Variants in SENP6 observed in about 807,000 individuals in gnomAD.
The protein encoded by SENP6 is SUMO specific peptidase 6, also known as sentrin-specific protease 6.
A neutral mutation model predicts 134.5 loss-of-function variants in SENP6; 41 were observed. The ratio of observed to expected loss-of-function variants is 0.30; its 90% CI spans 0.24 to 0.40. The LOEUF (loss-of-function observed/expected upper bound fraction) is 0.40. SENP6 is among the 10% of genes least tolerant of loss of function. The probability of loss-of-function intolerance (pLI) is 1.00; values close to 1 mark genes in which losing one functional copy is unlikely to be tolerated. For synonymous variants in SENP6, 395 were observed against 429.8 expected (o/e 0.92, Z 1.00); for missense variants, 1,248 against 1,312.5 (o/e 0.95, Z 0.76).
intron 11 of SENP6, among the ~76,000 whole-genome samples, chr6:75,671,319 G>T (rs1388432443): frequency 6.6e-6 from 1 of 152,150 alleles, no homozygotes; most frequent in African/African-American, 2.4e-5. Flanking sequence ...GTAAAGCACT[G>T]TATGTGTTCT....
Position 75,692,497 on chromosome 6 carries a change from C to T in SENP6, c.2076-3307C>T, listed in dbSNP as rs118003912. Among the ~76,000 whole-genome samples, 16 of 152,148 alleles carry T rather than the reference C, an allele frequency of 1.1e-4. No homozygotes were observed. In the East Asian group the frequency reaches 2.9e-3, roughly 28 times the overall value. On this transcript the variant is annotated intron_variant, in intron 16 of 23. Coordinates refer to ENST00000447266, the MANE Select transcript of SENP6 (RefSeq NM_015571.4). ...AAAAAATTAGTTGGGCATGGTAGTG[C>T]AGGCCTGTGGTCCCAGCTACTCAGG...
chr6:75,635,530 C>G (rs1769445357), intron 5 of SENP6, among the ~76,000 whole-genome samples: 1 of 152,022 alleles, frequency 6.6e-6, no homozygotes. Flanking sequence ...CGTCCTGAAC[C>G]TTGCTATATT....
intron 16 of SENP6, among the ~76,000 whole-genome samples, chr6:75,688,917 T>G (rs993413635): frequency 6.6e-6 from 1 of 152,146 alleles, no homozygotes; most frequent in East Asian, 1.9e-4. Context: ...AAATACAAAA[T>G]TAGCCAGGTG....
intron 9 of SENP6, among the ~76,000 whole-genome samples, chr6:75,665,301 A>AG (rs1772118403): frequency 6.6e-6 from 1 of 151,138 alleles, no homozygotes; most frequent in South Asian, 2.1e-4. Flanking sequence ...AAAAAAAAAA[A>AG]GTGATATTTA....
intron 12 of SENP6, 150 bp from the exon 13 acceptor site, chr6:75,675,709 GA>G (rs779324397): frequency 6.8e-6 from 6 of 879,878 alleles, no homozygotes; most frequent in South Asian, 3.2e-5. Context: ...CAGTTATAAA[GA>G]TTTTTTTTAT....
intron 5 of SENP6, among the ~76,000 whole-genome samples, chr6:75,638,295 T>C (rs1377502177): frequency 6.7e-6 from 1 of 150,358 alleles, no homozygotes. Flanking sequence ...TTGAAGGTAA[T>C]TTTTCTTTTC....
chr6:75,705,120 C>A (rs1015297185), intron 19 of SENP6, among the ~76,000 whole-genome samples: 2 of 152,204 alleles, frequency 1.3e-5, no homozygotes, highest in Non-Finnish European at 2.9e-5. Context: ...CTTGGTTCTT[C>A]ATTCCTCACT....
At chr6:75,706,398 A>G (rs1423815619) in intron 19 of SENP6, among the ~76,000 whole-genome samples, 1 of 152,190 alleles carries the variant, frequency 6.6e-6, no homozygotes, top group Non-Finnish European at 1.5e-5. Context: ...ATAATGTTAC[A>G]TACTTTAATG....
At chr6:75,641,742 G>A (rs146279488) in intron 6 of SENP6, among the ~76,000 whole-genome samples, 18 of 152,182 alleles carry the variant, frequency 1.2e-4, no homozygotes, top group African/African-American at 3.9e-4. Flanking sequence ...CTTTGGGAGG[G>A]CAAAGCGGGA....
intron 3 of SENP6, among the ~76,000 whole-genome samples, chr6:75,631,219 A>T (rs1439254002): frequency 6.6e-6 from 1 of 152,074 alleles, no homozygotes; most frequent in Non-Finnish European, 1.5e-5. Context: ...TTATTATCTG[A>T]TATTCTTCGG....
chr6:75,699,354 C>CTTTTTTTTTTTTTTTTTTTT (rs71544060), intron 18 of SENP6, among the ~76,000 whole-genome samples: 9 of 115,014 alleles, frequency 7.8e-5, no homozygotes, highest in Admixed American at 2.8e-4. Flanking sequence ...TTTGTTTTTG[C>CTTTTTTTTTTTTTTTTTTTT]TTTTTTTTTT....
At chr6:75,702,218 CTTT>C (rs200531593) in intron 18 of SENP6, among the ~76,000 whole-genome samples, 5 of 133,416 alleles carry the variant, frequency 3.7e-5, no homozygotes, top group Admixed American at 1.5e-4. Flanking sequence ...AAAAAATAGG[CTTT>C]TTTTTTTTTT....
intron 8 of SENP6, among the ~76,000 whole-genome samples, chr6:75,661,096 A>G (rs1485780146): frequency 6.6e-6 from 1 of 152,194 alleles, no homozygotes; most frequent in Non-Finnish European, 1.5e-5. Context: ...TCAGTGGACA[A>G]AGCTAAGAAA....
In SENP6 at chr6:75,717,273, ATTT is replaced by A. The variant is rs894085134; in HGVS notation, c.*1684_*1686del. ...GCAATAAGCAAAATTGGCATACATA[ATTT>A]TTTTAATGAACTATATTTTGTCAGA... is the stretch of plus-strand genomic sequence containing the variant. On this transcript the variant is annotated 3_prime_UTR_variant, in exon 24 of 24. Coordinates refer to ENST00000447266, the MANE Select transcript of SENP6 (RefSeq NM_015571.4). 1 of 151,986 alleles carries A rather than the reference ATTT, an allele frequency of 6.6e-6. No individual in the cohort carries two copies. The highest frequency in any genetic ancestry group is 1.9e-4 in the East Asian group (1 of 5,196). The allele number at this position is 151,986 out of a possible 1,614,324, so 9.4% of individuals were successfully genotyped here. A position where few individuals can be genotyped will look rare whatever the true frequency, so the allele number is the denominator to read the frequency against.
At position 75,696,626 on chromosome 6, in the gene SENP6, G is replaced by A. The variant is rs147169534; in HGVS notation, c.2195+703G>A. 7.6e-3 allele frequency among the ~76,000 whole-genome samples: 1,151 copies of A among 152,106 alleles called. 39 individuals carry two copies. The highest frequency in any genetic ancestry group is 0.063 in the Admixed American group (957 of 15,256). ...CCAAGTAGCTGGGACTAAGGCACAC[G>A]CCACTCCACCCAGCTAATTTTTGTA... On this transcript the variant is annotated intron_variant, in intron 17 of 23. Coordinates refer to ENST00000447266, the MANE Select transcript of SENP6 (RefSeq NM_015571.4).
At chr6:75,699,354 C>CT (rs71544060) in intron 18 of SENP6, among the ~76,000 whole-genome samples, 6,688 of 114,840 alleles carry the variant, frequency 0.058, 386 homozygotes, top group African/African-American at 0.086. Flanking sequence ...TTTGTTTTTG[C>CT]TTTTTTTTTT....
At chr6:75,694,128 T>C (rs1163720929) in intron 16 of SENP6, among the ~76,000 whole-genome samples, 1 of 152,134 alleles carries the variant, frequency 6.6e-6, no homozygotes, top group East Asian at 1.9e-4. Context: ...TGGTGGTCCA[T>C]GCCTATAATC....
intron 7 of SENP6, among the ~76,000 whole-genome samples, chr6:75,656,213 CAAAA>C (rs5877459): frequency 1.8e-4 from 20 of 108,718 alleles, no homozygotes; most frequent in Admixed American, 2.9e-4. Flanking sequence ...GACTCCGTCT[CAAAA>C]AAAAAAAAAA....
intron 1 of SENP6, among the ~76,000 whole-genome samples, chr6:75,619,844 A>G (rs1768131663): frequency 6.6e-6 from 1 of 152,098 alleles, no homozygotes; most frequent in African/African-American, 2.4e-5. Flanking sequence ...TATTCCCAGC[A>G]CTTTGAGTGG....
Sources: allele counts gnomAD v4.1 joint callset (sites outside exome capture counted in the v4.1 genomes callset), GRCh38; gene constraint gnomAD v4.1.1; transcripts MANE v1.5; gene names NCBI Gene and HGNC (gene_info 2026-07-23, HGNC 2026-07-21).